PABPN1: variants seen among roughly 807,000 people sequenced by gnomAD.
PABPN1 encodes poly(A) binding protein nuclear 1, also known as polyadenylate-binding protein 2.
A neutral mutation model predicts 33.4 loss-of-function variants in PABPN1; 5 were observed. The ratio of observed to expected loss-of-function variants is 0.15; its 90% CI spans 0.08 to 0.32. PABPN1 has a LOEUF of 0.32. PABPN1 is among the 10% of genes least tolerant of loss of function. The pLI is 1.00. For synonymous variants in PABPN1, 176 were observed against 170.6 expected (o/e 1.03, Z -0.25); for missense variants, 312 against 425.8 (o/e 0.73, Z 2.35).
intron 6 of PABPN1, chr14:23,324,899 C>T: frequency 3.5e-6 from 1 of 289,248 alleles, no homozygotes; most frequent in Non-Finnish European, 6.5e-6. Flanking sequence ...GCTCTACCTG[C>T]CTATCCCCAG....
At position 23,325,333 on chromosome 14, in the gene PABPN1, G is replaced by C; in HGVS notation, c.*47G>C. Reference sequence around the variant, plus strand: ...GAGAGAGGAAAAAAAGAGGAAAGAAGGAAAAAAAAAAGAATTAAAAAAAAA... The same window carrying C: ...GAGAGAGGAAAAAAAGAGGAAAGAACGAAAAAAAAAAGAATTAAAAAAAAA... On this transcript the variant is annotated 3_prime_UTR_variant, in exon 7 of 7. Coordinates refer to ENST00000216727, the MANE Select transcript of PABPN1 (RefSeq NM_004643.4). The C allele has an allele frequency of 7.4e-7, 1 of 1,353,856 alleles. No homozygotes were observed. The highest frequency in any genetic ancestry group is 9.8e-7 in the Non-Finnish European group (1 of 1,018,920). 83.9% of individuals were successfully genotyped at this position (1,353,856 alleles called of 1,614,324 possible).
chr14:23,323,845 G>T (rs879776380), intron 4 of PABPN1, 120 bp from the exon 5 acceptor site: 3 of 1,031,000 alleles, frequency 2.9e-6, no homozygotes, highest in African/African-American at 3.2e-5. Flanking sequence ...CCATTTAGAA[G>T]AATTTTGACA....
chr14:23,322,442 T>G lies in PABPN1; in HGVS notation c.466+147T>G. 4 of 748,220 alleles carry G rather than the reference T, an allele frequency of 5.3e-6. No individual in the cohort carries two copies. The South Asian group carries it at 6.0e-5, about 11-fold the overall frequency. 46.3% of individuals were successfully genotyped at this position (748,220 alleles called of 1,614,324 possible). ...TGTGCCGCGGTCATAGTCCGTTGTG[T>G]GTTCCTCTGACCTTTGTGAGGCAGA... On this transcript the variant is annotated intron_variant, in intron 2 of 6. Transcript: ENST00000216727.
rs1419433808 is a variant in PABPN1 at position 23,322,932 on chromosome 14, G to A, written c.467-67G>A. 4 of 1,607,280 alleles carry A rather than the reference G, an allele frequency of 2.5e-6. No individual in the cohort carries two copies. In the East Asian group the frequency reaches 6.7e-5, roughly 27 times the overall value. ...TTATGGGATAGTGCTGGTGGTGGAA[G>A]TGCAACATATTGGTCAAGTAGAAAA... On this transcript the variant is annotated intron_variant, in intron 2 of 6. Transcript: ENST00000216727.
At chr14:23,322,698 A>AT in intron 2 of PABPN1, 1 of 484,364 alleles carries the variant, frequency 2.1e-6, no homozygotes, top group Non-Finnish European at 3.7e-6. Context: ...AGCCCACTTA[A>AT]TTTTGCTCAC....
At chr14:23,322,063 G>A (rs1023282364) in intron 1 of PABPN1, 118 bp from the exon 2 acceptor site, 2 of 1,104,372 alleles carry the variant, frequency 1.8e-6, no homozygotes, top group African/African-American at 1.6e-5. Flanking sequence ...CACGACCCTC[G>A]CATGGGGCGA....
In PABPN1 at chr14:23,325,349, T is replaced by TAAAAAAAAA; in HGVS notation, c.*69_*77dup. 4 of 1,092,178 alleles carry TAAAAAAAAA rather than the reference T, an allele frequency of 3.7e-6. No individual in the cohort carries two copies. Among genetic ancestry groups the TAAAAAAAAA allele is most frequent in the Admixed American group, 3.0e-5 (1 of 32,906 alleles). 67.7% of individuals were successfully genotyped at this position (1,092,178 alleles called of 1,614,324 possible). ...AGGAAAGAAGGAAAAAAAAAAGAAT[T>TAAAAAAAAA]AAAAAAAAAAAAAAGAAAAACAGAA... On this transcript the variant is annotated 3_prime_UTR_variant, in exon 7 of 7. Transcript: ENST00000216727.
rs759640107 is a variant in PABPN1 at position 23,325,552 on chromosome 14, C to T, written c.*266C>T. On this transcript the variant is annotated 3_prime_UTR_variant, in exon 7 of 7. Coordinates refer to ENST00000216727, the MANE Select transcript of PABPN1 (RefSeq NM_004643.4). Reference sequence around the variant, plus strand: ...ATTCGCCATGGACACGTCTCAACTGCGCAAGCTGCTGCCCATGTTTCCCTG... The same window carrying T: ...ATTCGCCATGGACACGTCTCAACTGTGCAAGCTGCTGCCCATGTTTCCCTG... The T allele has an allele frequency of 1.1e-4, 49 of 465,404 alleles. No homozygotes were observed. Among genetic ancestry groups the T allele is most frequent in the African/African-American group, 8.0e-4 (41 of 51,012 alleles). 28.8% of individuals were successfully genotyped at this position (465,404 alleles called of 1,614,324 possible).
At position 23,323,946 on chromosome 14, in the gene PABPN1, C is replaced by CA. The variant is rs1888525920; in HGVS notation, c.642-17dup. On this transcript the variant is annotated intron_variant, in intron 4 of 6. Transcript: ENST00000216727. ...AGGTATTTGTAACCTCAGAGAGATA[C>CA]AATGACAATTCTTTTCAGGTTTGCG... The CA allele has an allele frequency of 6.2e-6, 10 of 1,613,544 alleles. No homozygotes were observed. The highest frequency in any genetic ancestry group is 8.5e-6 in the Non-Finnish European group (10 of 1,179,820).
At chr14:23,324,884 C>A (rs1305317729) in intron 6 of PABPN1, 15 of 268,360 alleles carry the variant, frequency 5.6e-5, no homozygotes, top group Non-Finnish European at 7.8e-5. Flanking sequence ...CTTGGCTTTT[C>A]ATAAGCTCTA....
rs575902253 is a variant in PABPN1 at position 23,324,233 on chromosome 14, C to T, written c.825C>T (p.Ser275=). ...RYRARTTNYN[S]SRSRFYSGFN... ...GCGCCCGGACCACCAACTACAACAG[C>T]TCCCGCTCTCGATTCTACAGTGGTT... The change falls in exon 6 of 7, where the codon AGC becomes AGT. Residue 275 remains serine, a synonymous_variant. Coordinates refer to ENST00000216727, the MANE Select transcript of PABPN1 (RefSeq NM_004643.4). The T allele has an allele frequency of 5.6e-6, 9 of 1,614,136 alleles. No individual in the cohort carries two copies. In the African/African-American group the frequency reaches 8.0e-5, roughly 14 times the overall value.
chr14:23,322,607 C>T (rs891699735), intron 2 of PABPN1: 5 of 464,140 alleles, frequency 1.1e-5, no homozygotes, highest in African/African-American at 7.9e-5. Flanking sequence ...ATAGTTTTTC[C>T]TCCAATTGGA....
intron 2 of PABPN1, chr14:23,322,589 C>A (rs935827623): frequency 1.2e-5 from 6 of 482,294 alleles, no homozygotes; most frequent in African/African-American, 1.9e-5. Flanking sequence ...ATTTGACCTT[C>A]AAATCTAATA....
chr14:23,324,331 G>T, intron 6 of PABPN1, 42 bp downstream of exon 6: 1 of 1,604,942 alleles, frequency 6.2e-7, no homozygotes, highest in Non-Finnish European at 8.5e-7. Flanking sequence ...CGCCTCCCGT[G>T]AGCCCCGTAT....
Position 23,321,795 on chromosome 14 carries a change from C to A in PABPN1, c.326C>A (p.Pro109Gln). Residue 109 changes from proline (P) to glutamine (Q), a missense_variant, in exon 1 of 7, where the codon CCG (proline) becomes CAG (glutamine). Pro to Gln is a moderately conservative substitution (Grantham distance 76). Around this residue, in one of 3 missense-constraint regions of PABPN1, gnomAD observed 167 missense variants for 168.9 expected, o/e 0.99. Coordinates refer to ENST00000216727, the MANE Select transcript of PABPN1 (RefSeq NM_004643.4). The part of the protein sequence containing the change: ...EEEPGLVEGD[P>Q]GDGAIEDPEL... ...GAGCCGGGACTGGTCGAGGGTGACC[C>A]GGGGGACGGCGCCATTGAGGACCCG... The A allele has an allele frequency of 1.3e-6, 2 of 1,500,380 alleles. No individual in the cohort carries two copies. Among genetic ancestry groups the A allele is most frequent in the East Asian group, 5.0e-5 (2 of 39,606 alleles). 92.9% of individuals were successfully genotyped at this position (1,500,380 alleles called of 1,614,324 possible). A position where few individuals can be genotyped will look rare whatever the true frequency, so the allele number is the denominator to read the frequency against.
chr14:23,322,020 GTGT>G (rs1170973359), intron 1 of PABPN1, 158 bp from the exon 2 acceptor site: 233 of 836,640 alleles, frequency 2.8e-4, no homozygotes, highest in Non-Finnish European at 4.3e-4. Context: ...CGGTTGCCTA[GTGT>G]TGTTCTAGAG....
chr14:23,323,544 G>A, intron 4 of PABPN1, 61 bp downstream of exon 4: 2 of 1,454,168 alleles, frequency 1.4e-6, no homozygotes, highest in Non-Finnish European at 1.9e-6. Flanking sequence ...GATAAATTAT[G>A]TTTTATATTG....
rs35455483 is a variant in PABPN1, at chr14:23,325,634, G to GT, written c.*359dup. Reference sequence around the variant, plus strand: ...GGTAGGTGGGCGTGGGTGGTAGGAGGTTTTTTTTTTTACCCAGGGCTCTGG... The same window carrying GT: ...GGTAGGTGGGCGTGGGTGGTAGGAGGTTTTTTTTTTTTACCCAGGGCTCTGG... On this transcript the variant is annotated 3_prime_UTR_variant, in exon 7 of 7. Coordinates refer to ENST00000216727, the MANE Select transcript of PABPN1 (RefSeq NM_004643.4). 4.6e-3 allele frequency: 954 copies of GT among 208,700 alleles called. No homozygotes were observed. The highest frequency in any genetic ancestry group is 0.017 in the South Asian group (226 of 13,196). The allele number at this position is 208,700 out of a possible 1,614,324, so 12.9% of individuals were successfully genotyped here.
chr14:23,321,927 G>GGCC, intron 1 of PABPN1, 107 bp downstream of exon 1: 6 of 458,108 alleles, frequency 1.3e-5, no homozygotes, highest in Non-Finnish European at 2.4e-5. Context: ...GTTGGGCGGG[G>GGCC]AATAACGTGG....
Sources: gnomAD v4.1 joint callset for allele counts on GRCh38, gnomAD v4.1.1 for gene constraint, gnomAD v4.1.1 regional missense constraint, MANE v1.5 for transcripts, NCBI Gene and HGNC (gene_info 2026-07-23, HGNC 2026-07-21) for gene names.